The following DACH1 variants were observed in gnomAD, a reference collection of about 807,000 sequenced individuals.
DACH1 encodes dachshund homolog 1.
A neutral mutation model predicts 54.2 loss-of-function variants in DACH1; 12 were observed. That is an observed-to-expected ratio of 0.22 (90% confidence interval 0.14 to 0.36). The LOEUF (loss-of-function observed/expected upper bound fraction) is 0.36. DACH1 is among the 10% of genes least tolerant of loss of function. The pLI is 1.00. For missense variants in DACH1, 805 were observed against 929.8 expected, an observed-to-expected ratio of 0.87 and a Z score of 1.75; for synonymous variants, 386 against 366.2, an observed-to-expected ratio of 1.05 and a Z score of -0.62.
chr13:71,800,917 A>C (rs1887266471), intron 1 of DACH1, among the ~76,000 whole-genome samples: 1 of 151,168 alleles, frequency 6.6e-6, no homozygotes. Context: ...GACATTGCAC[A>C]TTGCTAATAT....
intron 1 of DACH1, among the ~76,000 whole-genome samples, chr13:71,816,832 T>A (rs1021734225): frequency 6.6e-6 from 1 of 151,944 alleles, no homozygotes; most frequent in Non-Finnish European, 1.5e-5. Context: ...ATACCACATG[T>A]TCTCACTTAT....
chr13:71,842,219 C>A (rs953291888), intron 1 of DACH1, among the ~76,000 whole-genome samples: 7 of 152,120 alleles, frequency 4.6e-5, no homozygotes, highest in African/African-American at 1.4e-4. Flanking sequence ...CCAATTAGTG[C>A]TTGGCATAAG....
intron 1 of DACH1, among the ~76,000 whole-genome samples, chr13:71,798,323 CATATAT>C (rs35310464): frequency 0.079 from 7,614 of 96,266 alleles, 294 homozygotes; most frequent in Non-Finnish European, 0.1. Context: ...TTGTTACATA[CATATAT>C]ATATATATAT....
intron 3 of DACH1, among the ~76,000 whole-genome samples, chr13:71,584,274 T>C (rs1873068905): frequency 6.6e-6 from 1 of 152,222 alleles, no homozygotes; most frequent in African/African-American, 2.4e-5. Context: ...CTTCCTTTAG[T>C]TAAAATGATC....
chr13:71,594,076 TAAATA>T (rs929672614), intron 3 of DACH1, among the ~76,000 whole-genome samples: 10 of 151,364 alleles, frequency 6.6e-5, no homozygotes, highest in Non-Finnish European at 1.3e-4. Context: ...CTTGGTGTTT[TAAATA>T]AAATCTAATT....
At position 71,801,046 on chromosome 13, in the gene DACH1, T is replaced by C. The variant is rs139594121; in HGVS notation, c.848+64876A>G. Among the ~76,000 whole-genome samples the C allele has an allele frequency of 1.0e-3, 156 of 151,452 alleles. 1 individual carries two copies. The highest frequency in any genetic ancestry group is 3.6e-3 in the African/African-American group (148 of 41,164). On this transcript the variant is annotated intron_variant, in intron 1 of 10. Transcript: ENST00000613252. ...TCAGAAGCCTTTACAGTGTGCATTA[T>C]ACACATGTAACTTACAGACAAGCAC...
intron 6 of DACH1, among the ~76,000 whole-genome samples, chr13:71,509,995 C>T (rs1275529078): frequency 6.6e-6 from 1 of 152,026 alleles, no homozygotes; most frequent in Admixed American, 6.6e-5. Flanking sequence ...ACAGTGATGT[C>T]CATTATACCA....
chr13:71,483,007 T>C (rs1250835671), intron 7 of DACH1, among the ~76,000 whole-genome samples: 1 of 152,006 alleles, frequency 6.6e-6, no homozygotes, highest in Non-Finnish European at 1.5e-5. Context: ...TTTGTCATGT[T>C]GGCCAGGATG....
At chr13:71,803,472 C>T (rs903192521) in intron 1 of DACH1, among the ~76,000 whole-genome samples, 5 of 152,148 alleles carry the variant, frequency 3.3e-5, no homozygotes, top group East Asian at 3.9e-4. Flanking sequence ...TGTTTATATG[C>T]GACCAAGTTC....
At chr13:71,769,712 C>G (rs1242040637) in intron 1 of DACH1, among the ~76,000 whole-genome samples, 1 of 151,682 alleles carries the variant, frequency 6.6e-6, no homozygotes, top group East Asian at 1.9e-4. Context: ...TCACAGTTCT[C>G]ACAGCATTCG....
chr13:71,859,084 T>G (rs1250868228), intron 1 of DACH1, among the ~76,000 whole-genome samples: 2 of 151,744 alleles, frequency 1.3e-5, no homozygotes, highest in Non-Finnish European at 3.0e-5. Flanking sequence ...CATAGTGAGA[T>G]TTCCAGTTTA....
At chr13:71,704,477 G>C (rs1882326341) in intron 1 of DACH1, 2 of 345,086 alleles carry the variant, frequency 5.8e-6, no homozygotes, top group South Asian at 5.7e-5. Context: ...TCTAAGAGCT[G>C]AGATAGCTTC....
At chr13:71,722,075 C>T (rs1475106752) in intron 1 of DACH1, among the ~76,000 whole-genome samples, 2 of 151,950 alleles carry the variant, frequency 1.3e-5, no homozygotes, top group Non-Finnish European at 2.9e-5. Context: ...AAGTAATATT[C>T]CTTAGCAGTA....
At chr13:71,487,669 C>T (rs550055502) in intron 7 of DACH1, among the ~76,000 whole-genome samples, 2 of 152,286 alleles carry the variant, frequency 1.3e-5, no homozygotes, top group South Asian at 2.1e-4. Flanking sequence ...CCTCACTGAC[C>T]TGGTTAAAGA....
chr13:71,626,232 CAT>C (rs1351081978), intron 3 of DACH1, among the ~76,000 whole-genome samples: 3 of 151,854 alleles, frequency 2.0e-5, no homozygotes, highest in Non-Finnish European at 2.9e-5. Context: ...ATTTAAATAA[CAT>C]AGAAACGATT....
In DACH1 at chr13:71,857,628, C is replaced by T. The variant is rs1033570093; in HGVS notation, c.848+8294G>A. 4.0e-5 allele frequency among the ~76,000 whole-genome samples: 6 copies of T among 151,668 alleles called. 1 individual carries two copies. The highest frequency in any genetic ancestry group is 3.3e-4 in the Admixed American group (5 of 15,218). On this transcript the variant is annotated intron_variant, in intron 1 of 10. Transcript: ENST00000613252. The stretch of plus-strand genomic sequence containing the variant: ...CTCTAAACTACTGATAAAAATTTTA[C>T]ACTTGTTGCACACACAAGAACATTC...
At chr13:71,808,394 T>C (rs1288200505) in intron 1 of DACH1, among the ~76,000 whole-genome samples, 2 of 152,192 alleles carry the variant, frequency 1.3e-5, no homozygotes, top group Non-Finnish European at 2.9e-5. Context: ...AACATCTGTC[T>C]GCAGAATTTC....
chr13:71,649,286 T>G (rs1472604793), intron 2 of DACH1, among the ~76,000 whole-genome samples: 1 of 152,148 alleles, frequency 6.6e-6, no homozygotes, highest in Non-Finnish European at 1.5e-5. Context: ...ACACACAAGA[T>G]GAAATCACCT....
At chr13:71,814,718 T>C (rs913277726) in intron 1 of DACH1, among the ~76,000 whole-genome samples, 2 of 152,224 alleles carry the variant, frequency 1.3e-5, no homozygotes, top group African/African-American at 4.8e-5. Flanking sequence ...GCCATAGCAA[T>C]TGTCGTCTTA....
Sources: allele counts gnomAD v4.1 joint callset (sites outside exome capture counted in the v4.1 genomes callset), GRCh38; gene constraint gnomAD v4.1.1; transcripts MANE v1.5; gene names NCBI Gene and HGNC (gene_info 2026-07-23, HGNC 2026-07-21).